Variants in CNOT4 observed in about 807,000 individuals in gnomAD.
The protein encoded by CNOT4 is CCR4-associated factor 4.
In CNOT4, 8 loss-of-function variants were observed where a neutral mutation model predicts 73.8. The ratio of observed to expected loss-of-function variants is 0.11; its 90% CI spans 0.06 to 0.20. The LOEUF is 0.20. Ranked by LOEUF, CNOT4 falls within the 10% of genes least tolerant of loss-of-function variation. The probability of loss-of-function intolerance (pLI) is 1.00; values close to 1 mark genes in which losing one functional copy is unlikely to be tolerated. For missense variants in CNOT4, 564 were observed against 883.4 expected (o/e 0.64, Z 4.58); for synonymous variants, 293 against 321.1 (o/e 0.91, Z 0.94).
At chr7:135,367,111 A>G (rs1794959227) in intron 10 of CNOT4, among the ~76,000 whole-genome samples, 1 of 152,084 alleles carries the variant, frequency 6.6e-6, no homozygotes, top group Non-Finnish European at 1.5e-5. Context: ...TAGGGGTACC[A>G]ACTCCCCAGT....
intron 2 of CNOT4, among the ~76,000 whole-genome samples, chr7:135,434,766 A>G (rs1437725736): frequency 6.6e-6 from 1 of 152,196 alleles, no homozygotes. Flanking sequence ...TCTAATAGGA[A>G]TCTCATACTT....
intron 1 of CNOT4, among the ~76,000 whole-genome samples, chr7:135,448,115 G>C (rs1461517402): frequency 6.6e-6 from 1 of 152,184 alleles, no homozygotes; most frequent in Non-Finnish European, 1.5e-5. Flanking sequence ...CAGGGCAACA[G>C]AAGTCACTAA....
At chr7:135,453,759 A>T (rs1041727093) in intron 1 of CNOT4, among the ~76,000 whole-genome samples, 2 of 145,450 alleles carry the variant, frequency 1.4e-5, no homozygotes, top group South Asian at 2.1e-4. Context: ...TATATATATA[A>T]AATATAACAT....
chr7:135,426,065 T>G (rs1340912956), intron 2 of CNOT4, among the ~76,000 whole-genome samples: 2 of 151,520 alleles, frequency 1.3e-5, no homozygotes, highest in Non-Finnish European at 2.9e-5. Flanking sequence ...TAAAAAAAAA[T>G]TATCCAGGCA....
At chr7:135,473,331 A>G (rs890105624) in intron 1 of CNOT4, among the ~76,000 whole-genome samples, 1 of 152,228 alleles carries the variant, frequency 6.6e-6, no homozygotes, top group Non-Finnish European at 1.5e-5. Context: ...ATAAGGAAAA[A>G]GTGGAGCTAC....
At chr7:135,432,036 A>C (rs1798880031) in intron 2 of CNOT4, among the ~76,000 whole-genome samples, 2 of 152,214 alleles carry the variant, frequency 1.3e-5, no homozygotes, top group South Asian at 4.1e-4. Context: ...AATGCTAAAT[A>C]CTTAGAATAC....
At chr7:135,438,899 T>C (rs1475302765) in intron 1 of CNOT4, among the ~76,000 whole-genome samples, 3 of 152,132 alleles carry the variant, frequency 2.0e-5, no homozygotes, top group African/African-American at 4.8e-5. Flanking sequence ...CAGAGAAACA[T>C]AGGCTAAAAC....
chr7:135,417,686 A>G (rs549978801), intron 3 of CNOT4, among the ~76,000 whole-genome samples: 1 of 152,168 alleles, frequency 6.6e-6, no homozygotes, highest in South Asian at 2.1e-4. Flanking sequence ...AACATTCAAA[A>G]GTTTTCCACT....
Position 135,364,181 on chromosome 7 carries a change from G to T in CNOT4, c.1628-115C>A. On this transcript the variant is annotated intron_variant, in intron 10 of 11. Coordinates refer to ENST00000541284, the MANE Select transcript of CNOT4 (RefSeq NM_001190850.2). This position sits in a 1 kb window ranked among gnomAD's most constrained non-coding sequence, Gnocchi z 4.3. ...AGAAGAATTATTCTTTCTTTATTGA[G>T]CATTTAAAATGGGTTGTCCTAGCAA... The T allele has an allele frequency of 1.2e-6, 1 of 849,132 alleles. No individual in the cohort carries two copies. The highest frequency in any genetic ancestry group is 1.8e-6 in the Non-Finnish European group (1 of 550,022). The allele number at this position is 849,132 out of a possible 1,614,324, so 52.6% of individuals were successfully genotyped here.
intron 2 of CNOT4, among the ~76,000 whole-genome samples, chr7:135,433,889 C>A (rs1167550302): frequency 6.6e-6 from 1 of 152,164 alleles, no homozygotes; most frequent in Non-Finnish European, 1.5e-5. Context: ...TAAGAAAAAA[C>A]CAAGTAGCCT....
At chr7:135,394,460 T>C (rs1484981190) in intron 9 of CNOT4, 45 bp from the exon 10 acceptor site, 1 of 1,451,602 alleles carries the variant, frequency 6.9e-7, no homozygotes, top group Admixed American at 2.1e-5. Context: ...ACATAGCTCA[T>C]TTTCATACTT....
In CNOT4 at chr7:135,497,498, G is replaced by T. The variant is rs531819782; in HGVS notation, c.-93+12391C>A. 7.6e-4 allele frequency among the ~76,000 whole-genome samples: 115 copies of T among 152,196 alleles called. 1 individual carries two copies. Among genetic ancestry groups the T allele is most frequent in the African/African-American group, 2.4e-3 (100 of 41,536 alleles). ...GAGCATCTACCATCAACCAGGTTCTGTTTGGGTTGCTTAAAATAGATTAGT... is the reference window on the plus strand; with the variant it reads ...GAGCATCTACCATCAACCAGGTTCTTTTTGGGTTGCTTAAAATAGATTAGT... On this transcript the variant is annotated intron_variant, in intron 1 of 11. Transcript: ENST00000541284.
At chr7:135,448,012 C>A (rs935892965) in intron 1 of CNOT4, among the ~76,000 whole-genome samples, 6 of 152,116 alleles carry the variant, frequency 3.9e-5, no homozygotes, top group Non-Finnish European at 8.8e-5. Context: ...CCCAACACTG[C>A]CAGGTGCCAT....
intron 1 of CNOT4, among the ~76,000 whole-genome samples, chr7:135,498,236 G>A (rs939290595): frequency 3.9e-5 from 6 of 152,140 alleles, no homozygotes; most frequent in African/African-American, 1.2e-4. Flanking sequence ...AACTACATTC[G>A]ACTATAAAAA....
intron 1 of CNOT4, among the ~76,000 whole-genome samples, chr7:135,462,896 C>T (rs765023729): frequency 2.6e-5 from 4 of 152,292 alleles, no homozygotes; most frequent in African/African-American, 2.4e-5. Context: ...AGTTAAGCAA[C>T]GGATTTTAAA....
At chr7:135,418,679 G>A (rs1012571207) in intron 3 of CNOT4, among the ~76,000 whole-genome samples, 1 of 152,150 alleles carries the variant, frequency 6.6e-6, no homozygotes, top group Admixed American at 6.5e-5. Flanking sequence ...AAAATGAAAT[G>A]TTGTGTCTTT....
intron 2 of CNOT4, among the ~76,000 whole-genome samples, chr7:135,425,819 T>C (rs1234770561): frequency 6.6e-6 from 1 of 152,124 alleles, no homozygotes; most frequent in Non-Finnish European, 1.5e-5. Flanking sequence ...CCAAAAAAGT[T>C]CCTCCTCCAT....
chr7:135,501,300 A>G (rs1212428817), intron 1 of CNOT4, among the ~76,000 whole-genome samples: 1 of 152,114 alleles, frequency 6.6e-6, no homozygotes, highest in Non-Finnish European at 1.5e-5. Context: ...AAACTTTTTG[A>G]GGCTGTTATT....
intron 7 of CNOT4, among the ~76,000 whole-genome samples, chr7:135,406,555 G>C (rs1293195106): frequency 6.6e-6 from 1 of 152,072 alleles, no homozygotes; most frequent in Non-Finnish European, 1.5e-5. Context: ...CAGCTATTCA[G>C]AAGGCTGAGG....
Sources: gnomAD v4.1 joint callset for allele counts (sites outside exome capture counted in the v4.1 genomes callset) on GRCh38, gnomAD v4.1.1 for gene constraint, Gnocchi (gnomAD v3.1) non-coding constraint, MANE v1.5 for transcripts, NCBI Gene and HGNC (gene_info 2026-07-23, HGNC 2026-07-21) for gene names.